Variants in ZNF205 observed in about 807,000 individuals in gnomAD.
ZNF205 encodes transcriptional repressor RHIT.
In ZNF205, 32 loss-of-function variants were observed where a neutral mutation model predicts 53.6. The observed-to-expected ratio is 0.60, with a 90% CI of 0.45 to 0.80. ZNF205 has a LOEUF of 0.80. Ranked by LOEUF, ZNF205 falls within the 30% of genes least tolerant of loss-of-function variation. The pLI is 0.00. For missense variants in ZNF205, 836 were observed against 782.4 expected, an observed-to-expected ratio of 1.07 and a Z score of -0.82; for synonymous variants, 382 against 334.3, an observed-to-expected ratio of 1.14 and a Z score of -1.56.
intron 3 of ZNF205, 82 bp from the exon 4 acceptor site, chr16:3,115,747 G>C (rs1567176268): frequency 2.0e-6 from 3 of 1,475,878 alleles, no homozygotes; most frequent in Non-Finnish European, 2.8e-6. Flanking sequence ...GGTCGGGCCA[G>C]GGGTGGAGTT....
chr16:3,116,060 TC>T, intron 4 of ZNF205, 140 bp downstream of exon 4: 1 of 1,006,432 alleles, frequency 9.9e-7, no homozygotes, highest in Non-Finnish European at 1.5e-6. Flanking sequence ...GCTGGAATTG[TC>T]CAGGCTCAAG....
At chr16:3,119,128 C>T (rs1255277421) in intron 6 of ZNF205, 113 bp downstream of exon 6, 3 of 1,503,296 alleles carry the variant, frequency 2.0e-6, no homozygotes, top group Admixed American at 2.1e-5. Flanking sequence ...GGGCGGTTTG[C>T]GCCCAGGGCG....
At position 3,120,479 on chromosome 16, in the gene ZNF205, A is replaced by G. The variant is rs1351524976; in HGVS notation, c.*154A>G. The G allele has an allele frequency of 4.4e-6, 4 of 917,854 alleles. No individual in the cohort carries two copies. The highest frequency in any genetic ancestry group is 4.8e-6 in the Non-Finnish European group (3 of 628,276). The allele number at this position is 917,854 out of a possible 1,614,324, so 56.9% of individuals were successfully genotyped here. ...CGATGGGGGAGGGCGAGGGCGAGAA[A>G]GGGCAGGCACTCTGCGAATTAAAGG... On this transcript the variant is annotated 3_prime_UTR_variant, in exon 7 of 7. Transcript: ENST00000219091.
rs932001126 is a variant in ZNF205 at position 3,120,216 on chromosome 16, T to G, written c.1556T>G (p.Leu519Arg). 6.2e-7 allele frequency: 1 copy of G among 1,610,620 alleles called. No individual in the cohort carries two copies. Residue 519 changes from leucine (L) to arginine (R), a missense_variant, in exon 7 of 7, where the codon CTG (leucine) becomes CGG (arginine). Leu to Arg is a moderately radical substitution (Grantham distance 102, BLOSUM62 -2). Transcript: ENST00000219091. ...CGKSFSRRSN[L>R]HRHEKIHTTG... ...AAGAGCTTCAGCCGGCGCTCCAACC[T>G]GCACCGGCACGAGAAGATCCACACC... is the stretch of plus-strand genomic sequence containing the variant.
At chr16:3,117,944 G>A (rs1293210595) in intron 5 of ZNF205, among the ~76,000 whole-genome samples, 4 of 147,872 alleles carry the variant, frequency 2.7e-5, no homozygotes, top group Non-Finnish European at 5.9e-5. Flanking sequence ...TGCCTCCTGG[G>A]TTCAAGTGAT....
At position 3,115,361 on chromosome 16, in the gene ZNF205, G is replaced by C; in HGVS notation, c.64G>C (p.Asp22His). ...ATGGGGCTGTCCTTTCTAGGTTCCA[G>C]ATCGTGGACATCCTCATCAGGAAAT... Reference protein sequence around the residue: ...QDKETPPEVPDRGHPHQEMPS... With the variant: ...QDKETPPEVPHRGHPHQEMPS... The change falls in exon 3 of 7, where the codon GAT becomes CAT. Residue 22 changes from aspartate (D) to histidine (H), a missense_variant. Transcript: ENST00000219091. 4 of 1,595,820 alleles carry C rather than the reference G, an allele frequency of 2.5e-6. No homozygotes were observed. Among genetic ancestry groups the C allele is most frequent in the Non-Finnish European group, 2.6e-6 (3 of 1,171,376 alleles).
Position 3,119,428 on chromosome 16 carries a change from G to A in ZNF205, c.768G>A (p.Glu256=), listed in dbSNP as rs1267536569. Reference sequence around the variant, plus strand: ...CCAAAGACTCCGGGCAGCCGGCTGAGCCAGATCGCACCCCGGATGCAGCTC... The same window carrying A: ...CCAAAGACTCCGGGCAGCCGGCTGAACCAGATCGCACCCCGGATGCAGCTC... ...GPAKDSGQPA[E]PDRTPDAAPP... is the part of the protein sequence containing the mutation. The change falls in exon 7 of 7, where the codon GAG becomes GAA. Residue 256 remains glutamate, a synonymous_variant. Transcript: ENST00000219091. 6.2e-7 allele frequency: 1 copy of A among 1,600,762 alleles called. No individual in the cohort carries two copies. Among genetic ancestry groups the A allele is most frequent in the African/African-American group, 1.3e-5 (1 of 74,598 alleles).
At chr16:3,112,708 A>C (rs972117282) in intron 1 of ZNF205, 26 bp downstream of exon 1, 4 of 278,346 alleles carry the variant, frequency 1.4e-5, no homozygotes, top group Non-Finnish European at 2.9e-5. Flanking sequence ...TGGGGAGGGC[A>C]TCTGGATCCC....
Position 3,115,408 on chromosome 16 carries a change from G to A in ZNF205, c.111G>A (p.Ala37=), listed in dbSNP as rs566136380. The part of the protein sequence containing the change: ...HQEMPSKLGE[A]VPSGDTQESL... ...AAATGCCTTCTAAGCTGGGGGAGGC[G>A]GTACCTTCAGGGGACACTCAGGAGT... The change falls in exon 3 of 7, where the codon GCG becomes GCA. Residue 37 remains alanine, a synonymous_variant. Coordinates refer to ENST00000219091, the MANE Select transcript of ZNF205 (RefSeq NM_001042428.2). The A allele has an allele frequency of 2.4e-5, 38 of 1,609,674 alleles. No homozygotes were observed. The Admixed American group carries it at 4.4e-4, about 19-fold the overall frequency.
chr16:3,113,207 A>G (rs2151225478), intron 1 of ZNF205: 2 of 516,996 alleles, frequency 3.9e-6, no homozygotes, highest in South Asian at 2.5e-5. Flanking sequence ...CCCAGAAAAC[A>G]TCACAGAGAG....
intron 5 of ZNF205, 117 bp from the exon 6 acceptor site, chr16:3,118,788 T>C: frequency 8.9e-7 from 1 of 1,129,872 alleles, no homozygotes; most frequent in Non-Finnish European, 1.3e-6. Context: ...TGCTTTATTT[T>C]ACCCCCTGTT....
At position 3,119,657 on chromosome 16, in the gene ZNF205, G is replaced by T. The variant is rs1455279056; in HGVS notation, c.997G>T (p.Glu333Ter). 1.2e-6 allele frequency: 2 copies of T among 1,612,902 alleles called. No homozygotes were observed. The highest frequency in any genetic ancestry group is 1.3e-5 in the African/African-American group (1 of 74,926). Reference sequence around the variant, plus strand: ...GACGCACCGGCGCACGCACACGGGCGAGAAGCCCTACGCCTGCACTGACTG... The same window carrying T: ...GACGCACCGGCGCACGCACACGGGCTAGAAGCCCTACGCCTGCACTGACTG... ...LVTHRRTHTG[E>*]KPYACTDCGK... is the part of the protein sequence containing the mutation. Residue 333 changes from glutamate (E) to a stop codon, truncating the protein, a stop_gained, in exon 7 of 7, where the codon GAG (glutamate) becomes TAG (stop). Transcript: ENST00000219091. LOFTEE classifies it high-confidence loss of function.
Position 3,115,355 on chromosome 16 carries a change from G to A in ZNF205, c.58G>A (p.Val20Ile). The A allele has an allele frequency of 6.3e-7, 1 of 1,591,614 alleles. No individual in the cohort carries two copies. Among genetic ancestry groups the A allele is most frequent in the Non-Finnish European group, 8.6e-7 (1 of 1,169,434 alleles). The change falls in exon 3 of 7, where the codon GTT becomes ATT. Residue 20 changes from valine to isoleucine, a missense_variant and splice_region_variant. Physicochemically the swap from Val to Ile is conservative, Grantham distance 29. Transcript: ENST00000219091. Reference sequence around the variant, plus strand: ...GTGCTGATGGGGCTGTCCTTTCTAGGTTCCAGATCGTGGACATCCTCATCA... The same window carrying A: ...GTGCTGATGGGGCTGTCCTTTCTAGATTCCAGATCGTGGACATCCTCATCA... ...DTQDKETPPE[V>I]PDRGHPHQEM...
intron 3 of ZNF205, 105 bp from the exon 4 acceptor site, chr16:3,115,724 G>C (rs1403821598): frequency 1.4e-6 from 2 of 1,407,486 alleles, no homozygotes; most frequent in Non-Finnish European, 9.7e-7. Flanking sequence ...AGAGCCATCC[G>C]ACCCTGTCCT....
rs747054766 is a variant in ZNF205, at chr16:3,118,996, G to A, written c.576G>A (p.Glu192=). The change falls in exon 6 of 7, where the codon GAG becomes GAA. Residue 192 remains glutamate (E), a synonymous_variant. Transcript: ENST00000219091. ...GSSRQAGDEK[E]WRGACTGAVE... is the part of the protein sequence containing the mutation. ...GCCGGCAGGCAGGAGATGAGAAGGAGTGGAGAGGCGCGTGCACAGGTGAGG... is the reference window on the plus strand; with the variant it reads ...GCCGGCAGGCAGGAGATGAGAAGGAATGGAGAGGCGCGTGCACAGGTGAGG... 1.9e-5 allele frequency: 30 copies of A among 1,613,398 alleles called. No homozygotes were observed. Among genetic ancestry groups the A allele is most frequent in the Non-Finnish European group, 2.5e-5 (29 of 1,179,962 alleles).
chr16:3,118,367 A>T (rs1292598549), intron 5 of ZNF205, among the ~76,000 whole-genome samples: 3 of 151,638 alleles, frequency 2.0e-5, no homozygotes, highest in Non-Finnish European at 2.9e-5. Flanking sequence ...CTCAACACCC[A>T]TTTTCAGCAC....
chr16:3,119,567 G>C lies in ZNF205; in HGVS notation c.907G>C (p.Val303Leu). ...GGAGGGCCTGGCCCCTGACAGTGAG[G>C]TGGGCAGGAAGAGCTACCGGTGCGA... The part of the protein sequence containing the change: ...GEEGLAPDSE[V>L]GRKSYRCEQC... Residue 303 changes from valine (V) to leucine (L), a missense_variant, in exon 7 of 7, where the codon GTG becomes CTG. Transcript: ENST00000219091. 1 of 1,608,628 alleles carries C rather than the reference G, an allele frequency of 6.2e-7. No homozygotes were observed. The highest frequency in any genetic ancestry group is 8.5e-7 in the Non-Finnish European group (1 of 1,177,948).
chr16:3,118,411 G>A (rs1957373428), intron 5 of ZNF205, among the ~76,000 whole-genome samples: 4 of 152,156 alleles, frequency 2.6e-5, no homozygotes, highest in Admixed American at 6.5e-5. Flanking sequence ...CAAGCCACCC[G>A]GTTGGTCCAA....
intron 2 of ZNF205, among the ~76,000 whole-genome samples, chr16:3,114,252 C>T (rs1367974345): frequency 1.3e-5 from 2 of 152,138 alleles, no homozygotes; most frequent in Admixed American, 6.6e-5. Flanking sequence ...CTGTCTGGTG[C>T]GCACGGCGGG....
Sources: allele counts gnomAD v4.1 joint callset (sites outside exome capture counted in the v4.1 genomes callset), GRCh38; gene constraint gnomAD v4.1.1; transcripts MANE v1.5; gene names NCBI Gene and HGNC (gene_info 2026-07-23, HGNC 2026-07-21).